The following SENP5 variants were observed in gnomAD, a reference collection of about 807,000 sequenced individuals.
SENP5 encodes the protein SUMO specific peptidase 5, also known as sentrin-specific protease 5.
A neutral mutation model predicts 74.2 loss-of-function variants in SENP5; 21 were observed. The observed-to-expected ratio is 0.28, with a 90% CI of 0.20 to 0.41. The LOEUF is 0.41. Among genes scored for constraint, SENP5 ranks in the 10% least tolerant of loss-of-function variants. SENP5 has a pLI of 1.00. For missense variants in SENP5, 717 were observed against 889.1 expected, an observed-to-expected ratio of 0.81 and a Z score of 2.46; for synonymous variants, 311 against 312.7, an observed-to-expected ratio of 0.99 and a Z score of 0.06.
intron 6 of SENP5, chr3:196,914,586 A>AAAAAAAAAAAAAAAAATATATAT: frequency 3.0e-5 from 1 of 33,500 alleles, no homozygotes; most frequent in Non-Finnish European, 5.1e-5. Context: ...AAAAAAAAAA[A>AAAAAAAAAAAAAAAAATATATAT]ATATATATAT....
chr3:196,892,245 G>A (rs1714242303), intron 2 of SENP5, among the ~76,000 whole-genome samples: 1 of 152,160 alleles, frequency 6.6e-6, no homozygotes, highest in Non-Finnish European at 1.5e-5. Flanking sequence ...CCGGGTTCAA[G>A]CGATTCTCGT....
At chr3:196,906,467 T>G (rs1171939828) in intron 6 of SENP5, among the ~76,000 whole-genome samples, 2 of 152,214 alleles carry the variant, frequency 1.3e-5, no homozygotes, top group Admixed American at 1.3e-4. Flanking sequence ...ATTATTTGTT[T>G]AGTGGGTACA....
At chr3:196,898,312 G>A (rs1330713742) in intron 2 of SENP5, among the ~76,000 whole-genome samples, 4 of 151,680 alleles carry the variant, frequency 2.6e-5, no homozygotes, top group Middle Eastern at 3.2e-3. Flanking sequence ...ACTGTCCTAT[G>A]GTGTGGCCAA....
intron 4 of SENP5, 103 bp from the exon 5 acceptor site, chr3:196,900,262 A>C (rs540775095): frequency 8.5e-7 from 1 of 1,181,514 alleles, no homozygotes; most frequent in East Asian, 2.4e-5. Flanking sequence ...GATGTACTGA[A>C]TTGTATAGGG....
intron 1 of SENP5, among the ~76,000 whole-genome samples, chr3:196,881,540 T>C (rs575788144): frequency 6.6e-6 from 1 of 152,340 alleles, no homozygotes; most frequent in East Asian, 1.9e-4. Flanking sequence ...TTTCTTAAGC[T>C]TAAGGAACAT....
In SENP5 at chr3:196,927,871, G is replaced by C; in HGVS notation, c.2098G>C (p.Val700Leu). The C allele has an allele frequency of 6.2e-7, 1 of 1,605,262 alleles. No individual in the cohort carries two copies. The highest frequency in any genetic ancestry group is 8.5e-7 in the Non-Finnish European group (1 of 1,171,928). ...PEFLQGWQTA[V>L]TKCIPQQKND... is the part of the protein sequence containing the mutation. ...ATTTCTTCAGGGTTGGCAGACTGCT[G>C]TTACGAAGGTAAGTATGTGATAACA... The change falls in exon 8 of 10, where the codon GTT becomes CTT. Residue 700 changes from valine (V) to leucine (L), a missense_variant. By Grantham distance (32) the Val-to-Leu change is conservative. Around this residue, in one of 4 missense-constraint regions of SENP5, gnomAD observed 85 missense variants for 188.9 expected, o/e 0.45. Transcript: ENST00000323460.
rs1473861627 is a variant in SENP5, at chr3:196,885,241, A to G, written c.60A>G (p.Lys20=). Residue 20 remains lysine (K), a synonymous_variant, in exon 2 of 10, where the codon AAA becomes AAG. Transcript: ENST00000323460. Reference sequence around the variant, plus strand: ...GAATCCACTTAGCCTTTTCTGAGAAATGGAATACTGGGTTTGGAGGCTTTA... The same window carrying G: ...GAATCCACTTAGCCTTTTCTGAGAAGTGGAATACTGGGTTTGGAGGCTTTA... ...RKGIHLAFSE[K]WNTGFGGFKK... is the part of the protein sequence containing the mutation. 2 of 1,614,028 alleles carry G rather than the reference A, an allele frequency of 1.2e-6. No homozygotes were observed. Among genetic ancestry groups the G allele is most frequent in the Non-Finnish European group, 1.7e-6 (2 of 1,180,000 alleles).
At chr3:196,915,612 T>C (rs1440123393) in intron 6 of SENP5, among the ~76,000 whole-genome samples, 12 of 152,166 alleles carry the variant, frequency 7.9e-5, no homozygotes, top group Admixed American at 7.9e-4. Flanking sequence ...CCCAGTACTA[T>C]GCTGTGTTCA....
intron 6 of SENP5, chr3:196,912,702 A>C (rs925497273): frequency 6.6e-6 from 1 of 152,198 alleles, no homozygotes; most frequent in Non-Finnish European, 1.5e-5. Flanking sequence ...GTTTTCATTA[A>C]AAGAAAAAAT....
intron 7 of SENP5, among the ~76,000 whole-genome samples, chr3:196,926,736 T>C (rs1461936662): frequency 6.6e-6 from 1 of 150,638 alleles, no homozygotes; most frequent in African/African-American, 2.4e-5. Flanking sequence ...CCTCCTGGGT[T>C]CAAGCGATTC....
At chr3:196,923,673 C>A in intron 7 of SENP5, 122 bp downstream of exon 7, 1 of 634,630 alleles carries the variant, frequency 1.6e-6, no homozygotes, top group Non-Finnish European at 2.6e-6. Flanking sequence ...GAAAATCCTC[C>A]AAAGTGTTAG....
intron 6 of SENP5, 123 bp downstream of exon 6, chr3:196,903,733 A>C: frequency 1.7e-6 from 1 of 577,120 alleles, no homozygotes; most frequent in Non-Finnish European, 3.0e-6. Context: ...TTAATGTGAC[A>C]AGTTTTAAAT....
intron 2 of SENP5, among the ~76,000 whole-genome samples, chr3:196,888,731 A>C (rs998670991): frequency 1.3e-5 from 2 of 152,160 alleles, no homozygotes; most frequent in Admixed American, 1.3e-4. Context: ...GACAGATATT[A>C]TTACCATTGG....
intron 6 of SENP5, among the ~76,000 whole-genome samples, chr3:196,920,074 C>G (rs908622163): frequency 2.6e-5 from 4 of 152,136 alleles, no homozygotes; most frequent in Non-Finnish European, 5.9e-5. Flanking sequence ...TTCATATAAA[C>G]TTTAAAATTA....
At chr3:196,890,336 G>C (rs11185459) in intron 2 of SENP5, among the ~76,000 whole-genome samples, 1 of 152,066 alleles carries the variant, frequency 6.6e-6, no homozygotes, top group Admixed American at 6.6e-5. Flanking sequence ...AGTTCTGTGG[G>C]GTGCTGAATG....
intron 2 of SENP5, among the ~76,000 whole-genome samples, chr3:196,893,087 A>G (rs985818984): frequency 2.6e-5 from 4 of 152,138 alleles, no homozygotes; most frequent in Non-Finnish European, 5.9e-5. Context: ...TGGTAGTTCT[A>G]TTTTTAATTT....
rs140723133 is a variant in SENP5 at position 196,870,321 on chromosome 3, A to C, written c.-32+2248A>C. Among the ~76,000 whole-genome samples the C allele has an allele frequency of 2.5e-3, 386 of 152,212 alleles. 4 individuals carry two copies. The highest frequency in any genetic ancestry group is 8.5e-3 in the African/African-American group (354 of 41,534). On this transcript the variant is annotated intron_variant, in intron 1 of 9. Coordinates refer to ENST00000323460, the MANE Select transcript of SENP5 (RefSeq NM_152699.5). ...GGGTAATATTTTCAAAATTAAGGTA[A>C]ATAGGCCATCAGGCTGCGTTGAACT...
At chr3:196,914,586 A>AAAAAAAAAAAAAAAAAAATATAT in intron 6 of SENP5, 1 of 33,510 alleles carries the variant, frequency 3.0e-5, no homozygotes, top group African/African-American at 1.8e-4. Context: ...AAAAAAAAAA[A>AAAAAAAAAAAAAAAAAAATATAT]ATATATATAT....
chr3:196,898,258 G>A (rs768151709), intron 2 of SENP5, among the ~76,000 whole-genome samples: 43 of 151,588 alleles, frequency 2.8e-4, no homozygotes, highest in Middle Eastern at 3.4e-3. Flanking sequence ...ATCATTCAGG[G>A]ATATATATAA....
Sources: gnomAD v4.1 joint callset for allele counts (sites outside exome capture counted in the v4.1 genomes callset) on GRCh38, gnomAD v4.1.1 for gene constraint, gnomAD v4.1.1 regional missense constraint, MANE v1.5 for transcripts, NCBI Gene and HGNC (gene_info 2026-07-23, HGNC 2026-07-21) for gene names.